PTGER3: variants seen among roughly 807,000 people sequenced by gnomAD.
PTGER3 encodes prostaglandin E2 receptor EP3 subtype.
PTGER3 carries 22 observed loss-of-function variants against 34.7 expected under a neutral mutation model. The ratio of observed to expected loss-of-function variants is 0.63; its 90% CI spans 0.45 to 0.91. PTGER3 has a LOEUF of 0.91. Ranked by LOEUF, PTGER3 falls within the 40% of genes least tolerant of loss-of-function variation. The pLI, the probability that PTGER3 is intolerant of heterozygous loss-of-function variation, is 0.00. For missense variants in PTGER3, 468 were observed against 519.4 expected (o/e 0.90, Z 0.96); for synonymous variants, 241 against 230.1 (o/e 1.05, Z -0.43).
chr1:71,035,264 T>C (rs551141881), intron 1 of PTGER3, among the ~76,000 whole-genome samples: 4 of 152,214 alleles, frequency 2.6e-5, no homozygotes, highest in Non-Finnish European at 5.9e-5. Context: ...ATACAAATTC[T>C]CATTCCTAAT....
chr1:70,857,415 T>C (rs929938810), intron 4 of PTGER3, among the ~76,000 whole-genome samples: 11 of 152,298 alleles, frequency 7.2e-5, no homozygotes, highest in Admixed American at 3.9e-4. Flanking sequence ...AATTTTTTTT[T>C]CCCCTGATAG....
intron 4 of PTGER3, among the ~76,000 whole-genome samples, chr1:70,945,549 T>C (rs1281986823): frequency 2.0e-5 from 3 of 148,546 alleles, no homozygotes; most frequent in Non-Finnish European, 4.4e-5. Flanking sequence ...ACAGGTAAAG[T>C]TTTTTTTATG....
chr1:70,906,612 G>T (rs890893066), intron 4 of PTGER3, among the ~76,000 whole-genome samples: 3 of 152,048 alleles, frequency 2.0e-5, no homozygotes, highest in Non-Finnish European at 2.9e-5. Context: ...TGTGATCTTG[G>T]GCAAATTACT....
At chr1:71,007,202 A>C in intron 2 of PTGER3, 1 of 985,782 alleles carries the variant, frequency 1.0e-6, no homozygotes, top group Non-Finnish European at 1.2e-6. Context: ...AGTGCCAATG[A>C]TTTCAGCTCC....
rs1402274142 is a variant in PTGER3 at position 71,047,025 on chromosome 1, C to G, written c.553G>C (p.Val185Leu). 4.3e-6 allele frequency: 7 copies of G among 1,610,638 alleles called. No homozygotes were observed. The highest frequency in any genetic ancestry group is 1.1e-5 in the South Asian group (1 of 90,836). The change falls in exon 1 of 4, where the codon GTG becomes CTG. Residue 185 changes from valine (V) to leucine (L), a missense_variant. By Grantham distance (32) the Val-to-Leu change is conservative. Around this residue, in one of 5 missense-constraint regions of PTGER3, gnomAD observed 204 missense variants for 230.8 expected, o/e 0.88. Transcript: ENST00000306666. ...RAVLLGVWLA[V>L]LAFALLPVLG... ...ACCGGCAGCAGGGCGAAGGCGAGCA[C>G]GGCCAGCCACACGCCGAGCAGCACA... is the stretch of plus-strand genomic sequence containing the variant.
intron 3 of PTGER3, among the ~76,000 whole-genome samples, chr1:70,953,507 C>A (rs114815813): frequency 2.6e-5 from 4 of 152,100 alleles, no homozygotes; most frequent in Non-Finnish European, 5.9e-5. Context: ...CACAGCTGAT[C>A]CCCAACAGAC....
chr1:70,865,852 A>G, intron 4 of PTGER3: 1 of 1,322,124 alleles, frequency 7.6e-7, no homozygotes, highest in Non-Finnish European at 1.0e-6. Flanking sequence ...AAGAGCAGAG[A>G]TGACATGACT....
intron 4 of PTGER3, among the ~76,000 whole-genome samples, chr1:70,863,740 C>T (rs1245734344): frequency 6.6e-6 from 1 of 151,448 alleles, no homozygotes; most frequent in Non-Finnish European, 1.5e-5. Flanking sequence ...AGAAGAAAGG[C>T]ATTTTGGTAG....
chr1:70,981,444 G>A (rs1654357241), intron 2 of PTGER3, among the ~76,000 whole-genome samples: 1 of 143,928 alleles, frequency 6.9e-6, no homozygotes, highest in Non-Finnish European at 1.5e-5. Context: ...GACAGAGTCT[G>A]TCTCTGTCAC....
At chr1:70,902,008 G>C (rs1228633624) in intron 4 of PTGER3, among the ~76,000 whole-genome samples, 3 of 152,076 alleles carry the variant, frequency 2.0e-5, no homozygotes, top group Admixed American at 2.0e-4. Context: ...GTTAAGCAAA[G>C]TAAGATGATA....
At position 70,891,823 on chromosome 1, in the gene PTGER3, T is replaced by C. The variant is rs115590927; in HGVS notation, c.*24-38964A>G. On this transcript the variant is annotated intron_variant, in intron 4 of 4. Coordinates refer to the PTGER3 transcript ENST00000370931. ...ACAAAATTCTGCCAATTTAAGATCATTGATGGAGACCTTAAAAGGTCCTAA... is the reference window on the plus strand; with the variant it reads ...ACAAAATTCTGCCAATTTAAGATCACTGATGGAGACCTTAAAAGGTCCTAA... 2.6e-3 allele frequency among the ~76,000 whole-genome samples: 403 copies of C among 152,328 alleles called. 3 individuals are homozygous for C. The highest frequency in any genetic ancestry group is 9.3e-3 in the African/African-American group (388 of 41,574).
intron 1 of PTGER3, among the ~76,000 whole-genome samples, chr1:71,044,840 T>C (rs1660620415): frequency 6.6e-6 from 1 of 152,174 alleles, no homozygotes; most frequent in African/African-American, 2.4e-5. Context: ...CCCTAGGATA[T>C]AAATCATGTG....
rs1003703092 is a variant in PTGER3, at chr1:71,047,801, C to T, written c.-224G>A. 1.0e-5 allele frequency: 4 copies of T among 397,298 alleles called. No individual in the cohort carries two copies. In the Admixed American group the frequency reaches 1.4e-4, roughly 14 times the overall value. The allele number at this position is 397,298 out of a possible 1,614,324, so 24.6% of individuals were successfully genotyped here. A position where few individuals can be genotyped will look rare whatever the true frequency, so the allele number is the denominator to read the frequency against. Reference sequence around the variant, plus strand: ...GAGCCACGCCTTCCTCTCTGGGAAACCTCTGGTGGCGAGGCGCGCGGAGGT... The same window carrying T: ...GAGCCACGCCTTCCTCTCTGGGAAATCTCTGGTGGCGAGGCGCGCGGAGGT... On this transcript the variant is annotated 5_prime_UTR_variant, in exon 1 of 4. Coordinates refer to ENST00000306666, the MANE Select transcript of PTGER3 (RefSeq NM_198719.2).
downstream of PTGER3, among the ~76,000 whole-genome samples, chr1:70,951,815 A>C (rs1032429866): frequency 1.3e-5 from 2 of 152,180 alleles, no homozygotes; most frequent in Non-Finnish European, 2.9e-5. Context: ...TATAGAAAAC[A>C]AAAAGGTAGA....
At chr1:71,010,350 C>T (rs1448797068) in intron 2 of PTGER3, 1 of 984,790 alleles carries the variant, frequency 1.0e-6, no homozygotes, top group Non-Finnish European at 1.2e-6. Flanking sequence ...ACTGTAATGG[C>T]ATGAAGCACT....
chr1:70,944,186 T>A (rs1400639176), intron 4 of PTGER3, among the ~76,000 whole-genome samples: 1 of 152,148 alleles, frequency 6.6e-6, no homozygotes, highest in Non-Finnish European at 1.5e-5. Flanking sequence ...TTCTAGTCTA[T>A]AAAGCTCATT....
chr1:71,005,455 G>A lies in PTGER3; in HGVS notation c.1077+6850C>T, dbSNP rs114765064. Among the ~76,000 whole-genome samples the A allele has an allele frequency of 6.6e-3, 1,001 of 152,206 alleles. 7 individuals carry two copies. Among genetic ancestry groups the A allele is most frequent in the African/African-American group, 0.023 (959 of 41,528 alleles). ...CACCTTCTACAGGAATACCTCCCAT[G>A]TTAGCATCACGTTTCCATGTATTCT... is the stretch of plus-strand genomic sequence containing the variant. On this transcript the variant is annotated intron_variant, in intron 2 of 3. Coordinates refer to ENST00000306666, the MANE Select transcript of PTGER3 (RefSeq NM_198719.2).
At chr1:70,951,158 T>G (rs1280683748), downstream of PTGER3, 1 of 152,234 alleles carries the variant, frequency 6.6e-6, no homozygotes, top group African/African-American at 2.4e-5. Context: ...ACTCTACTGT[T>G]CCTTACCTAA....
rs979780936 is a variant in PTGER3 at position 70,905,439 on chromosome 1, C to T, written c.*23+48324G>A. On this transcript the variant is annotated intron_variant, in intron 4 of 4. Coordinates refer to the PTGER3 transcript ENST00000370931. ...ACTCAACACCAGCCCATGAAAGCAG[C>T]TGGGAGGGAGGCTGTACCCTGCAGA... 2.0e-5 allele frequency among the ~76,000 whole-genome samples: 3 copies of T among 152,286 alleles called. No homozygotes were observed. The South Asian group carries it at 6.2e-4, about 32-fold the overall frequency.
Sources: allele counts gnomAD v4.1 joint callset (sites outside exome capture counted in the v4.1 genomes callset), GRCh38; gene constraint gnomAD v4.1.1; regional missense constraint gnomAD v4.1.1; transcripts MANE v1.5; gene names NCBI Gene and HGNC (gene_info 2026-07-23, HGNC 2026-07-21).